Variants in ADAM12 observed in about 807,000 individuals in gnomAD.
The protein encoded by ADAM12 is disintegrin and metalloproteinase domain-containing protein 12.
Under a neutral mutation model 106.4 loss-of-function variants are expected in ADAM12, and 70 were observed. The ratio of observed to expected loss-of-function variants is 0.66; its 90% CI spans 0.54 to 0.80. ADAM12 has a LOEUF of 0.80. Ranked by LOEUF, ADAM12 falls within the 30% of genes least tolerant of loss-of-function variation. The pLI is 0.00. For synonymous variants in ADAM12, 420 were observed against 433.5 expected (o/e 0.97, Z 0.39); for missense variants, 1,010 against 1,171.9 (o/e 0.86, Z 2.02).
At chr10:126,287,757 C>A (rs1339818992) in intron 2 of ADAM12, among the ~76,000 whole-genome samples, 1 of 152,068 alleles carries the variant, frequency 6.6e-6, no homozygotes, top group Non-Finnish European at 1.5e-5. Context: ...GAAGTCCCGG[C>A]CTCCTAAGGG....
chr10:126,242,788 C>T (rs1026416563), intron 3 of ADAM12, among the ~76,000 whole-genome samples: 1 of 152,150 alleles, frequency 6.6e-6, no homozygotes, highest in African/African-American at 2.4e-5. Flanking sequence ...AAGAAGTGGA[C>T]ACAGGTCTGC....
At chr10:126,242,971 C>A (rs1958556602) in intron 3 of ADAM12, among the ~76,000 whole-genome samples, 1 of 152,234 alleles carries the variant, frequency 6.6e-6, no homozygotes, top group Non-Finnish European at 1.5e-5. Context: ...GGCTGTGACA[C>A]AAGAGACATG....
intron 3 of ADAM12, among the ~76,000 whole-genome samples, chr10:126,254,271 T>C (rs1485419258): frequency 6.6e-6 from 1 of 152,218 alleles, no homozygotes. Flanking sequence ...GGGCTGTGCC[T>C]CAGTTTCCTT....
rs1954543924 is a variant in ADAM12 at position 126,053,027 on chromosome 10, A to G, written c.1610-3358T>C. On this transcript the variant is annotated intron_variant, in intron 14 of 22. Coordinates refer to ENST00000448723, the MANE Select transcript of ADAM12 (RefSeq NM_001288973.2). The surrounding 1 kb of genome is among the most constrained non-coding windows in gnomAD (Gnocchi z 4.6). ...GGATCATGGGGGCAGTTTCTCTTGAATGGTTTAGCACCATCACCTTGGTGC... is the reference window on the plus strand; with the variant it reads ...GGATCATGGGGGCAGTTTCTCTTGAGTGGTTTAGCACCATCACCTTGGTGC... Among the ~76,000 whole-genome samples the G allele has an allele frequency of 1.3e-5, 2 of 152,154 alleles. No homozygotes were observed. The highest frequency in any genetic ancestry group is 1.3e-4 in the Admixed American group (2 of 15,280).
Position 126,255,831 on chromosome 10 carries a change from C to T in ADAM12, c.260+23084G>A, listed in dbSNP as rs138907215. Among the ~76,000 whole-genome samples, 1,025 of 152,290 alleles carry T rather than the reference C, an allele frequency of 6.7e-3. 35 individuals are homozygous for T. Among genetic ancestry groups the T allele is most frequent in the Admixed American group, 0.059 (906 of 15,306 alleles). On this transcript the variant is annotated intron_variant, in intron 3 of 22. Transcript: ENST00000448723. ...TGTCTGCACAGAGGCAGCAGACAGCCGAGGCACACGCCTGGTCATTATGGT... is the reference window on the plus strand; with the variant it reads ...TGTCTGCACAGAGGCAGCAGACAGCTGAGGCACACGCCTGGTCATTATGGT...
At chr10:126,117,673 C>T (rs1280887435) in intron 6 of ADAM12, among the ~76,000 whole-genome samples, 1 of 144,406 alleles carries the variant, frequency 6.9e-6, no homozygotes, top group Non-Finnish European at 1.5e-5. Flanking sequence ...TCTTGCTTGT[C>T]ATGGTGGCGC....
At chr10:126,240,859 C>T (rs1958508800) in intron 3 of ADAM12, among the ~76,000 whole-genome samples, 1 of 152,224 alleles carries the variant, frequency 6.6e-6, no homozygotes, top group African/African-American at 2.4e-5. Flanking sequence ...CCGGGAGCTC[C>T]ACTTTTTGCT....
At chr10:126,271,298 C>G (rs1213921028) in intron 3 of ADAM12, among the ~76,000 whole-genome samples, 1 of 152,208 alleles carries the variant, frequency 6.6e-6, no homozygotes, top group Admixed American at 6.5e-5. Context: ...CCCACACATT[C>G]CATCATTCAT....
rs529507971 is a variant in ADAM12 at position 126,265,024 on chromosome 10, T to C, written c.260+13891A>G. 4.6e-5 allele frequency among the ~76,000 whole-genome samples: 7 copies of C among 152,330 alleles called. 1 individual carries two copies. The highest frequency in any genetic ancestry group is 1.3e-4 in the Admixed American group (2 of 15,300). ...TCTATATGGGTAATTTATGGTTCAA[T>C]GTGAAAATACAAGGCTTTTGGATCA... is the stretch of plus-strand genomic sequence containing the variant. On this transcript the variant is annotated intron_variant, in intron 3 of 22. Transcript: ENST00000448723.
intron 3 of ADAM12, among the ~76,000 whole-genome samples, chr10:126,243,079 A>G (rs1335187198): frequency 6.6e-6 from 1 of 152,176 alleles, no homozygotes; most frequent in African/African-American, 2.4e-5. Flanking sequence ...TCACCCTGTC[A>G]GCGCGTGCAG....
chr10:126,272,508 A>G (rs1959183086), intron 3 of ADAM12, among the ~76,000 whole-genome samples: 1 of 152,248 alleles, frequency 6.6e-6, no homozygotes, highest in Admixed American at 6.5e-5. Flanking sequence ...TTTAGTAAAG[A>G]TAATTATTAA....
chr10:126,185,811 AACAGACCATCTCAAAC>A (rs1370210950), intron 3 of ADAM12, among the ~76,000 whole-genome samples: 1 of 152,190 alleles, frequency 6.6e-6, no homozygotes, highest in African/African-American at 2.4e-5. Context: ...TGTCTCAGGA[AACAGACCATCTCAAAC>A]GAGAGCACAT....
chr10:126,107,560 C>G (rs972992382), intron 8 of ADAM12, among the ~76,000 whole-genome samples: 18 of 152,208 alleles, frequency 1.2e-4, no homozygotes, highest in Admixed American at 2.0e-4. Context: ...GGCACCCTCA[C>G]AAACCACTAT....
chr10:126,051,588 T>TCCAGCCAG (rs199619555), intron 14 of ADAM12, among the ~76,000 whole-genome samples: 1,301 of 124,354 alleles, frequency 0.01, 45 homozygotes, highest in African/African-American at 0.036. Context: ...CATCCATCCA[T>TCCAGCCAG]CCAGCCAGCC....
chr10:126,039,013 G>A (rs1228906646), intron 19 of ADAM12, among the ~76,000 whole-genome samples: 1 of 136,818 alleles, frequency 7.3e-6, no homozygotes, highest in Non-Finnish European at 1.5e-5. Flanking sequence ...AGGCTGGAGT[G>A]CAGTGGAGTG....
At chr10:126,139,331 T>C (rs1956467168) in intron 4 of ADAM12, among the ~76,000 whole-genome samples, 1 of 152,112 alleles carries the variant, frequency 6.6e-6, no homozygotes, top group African/African-American at 2.4e-5. Context: ...TGTAGATTTG[T>C]TGATATCATA....
intron 2 of ADAM12, among the ~76,000 whole-genome samples, chr10:126,287,754 C>T (rs963028409): frequency 4.6e-5 from 7 of 152,006 alleles, no homozygotes; most frequent in South Asian, 4.1e-4. Context: ...AGAGAAGTCC[C>T]GGCCTCCTAA....
chr10:126,215,704 C>T (rs1346686913), intron 3 of ADAM12, among the ~76,000 whole-genome samples: 1 of 152,116 alleles, frequency 6.6e-6, no homozygotes, highest in African/African-American at 2.4e-5. Context: ...AGTTCAAATG[C>T]AAAACTGAAG....
intron 12 of ADAM12, among the ~76,000 whole-genome samples, chr10:126,069,384 T>A (rs934903587): frequency 6.6e-6 from 1 of 152,220 alleles, no homozygotes; most frequent in African/African-American, 2.4e-5. Context: ...TCTTCAAATA[T>A]CAAGAAGTTA....
Sources: allele counts gnomAD v4.1 joint callset (sites outside exome capture counted in the v4.1 genomes callset), GRCh38; gene constraint gnomAD v4.1.1; non-coding constraint Gnocchi (gnomAD v3.1); transcripts MANE v1.5; gene names NCBI Gene and HGNC (gene_info 2026-07-23, HGNC 2026-07-21).